The following MICU1 variants were observed in gnomAD, a reference collection of about 807,000 sequenced individuals.
MICU1 encodes the protein mitochondrial calcium uptake 1.
A neutral mutation model predicts 56.8 loss-of-function variants in MICU1; 45 were observed. The ratio of observed to expected loss-of-function variants is 0.79; its 90% CI spans 0.62 to 1.02. The LOEUF (loss-of-function observed/expected upper bound fraction) is 1.02. Ranked by LOEUF, MICU1 falls within the 50% of genes least tolerant of loss-of-function variation. The pLI is 0.00. For synonymous variants in MICU1, 186 were observed against 195.1 expected, an observed-to-expected ratio of 0.95 and a Z score of 0.39; for missense variants, 504 against 587.1, an observed-to-expected ratio of 0.86 and a Z score of 1.46.
intron 1 of MICU1, among the ~76,000 whole-genome samples, chr10:72,593,902 G>A (rs1841298300): frequency 2.0e-5 from 3 of 152,280 alleles, no homozygotes; most frequent in African/African-American, 4.8e-5. Flanking sequence ...CCCCAAGCTC[G>A]TGGATTGGAA....
chr10:72,387,785 A>G lies in MICU1; in HGVS notation c.1181-11913T>C, dbSNP rs1312634378. On this transcript the variant is annotated intron_variant, in intron 10 of 11. Transcript: ENST00000361114. Reference sequence around the variant, plus strand: ...CTTATCTGGTGCTTTTTTTTTTTTAAGGATGATTTAAAAAAAAAAACACTT... The same window carrying G: ...CTTATCTGGTGCTTTTTTTTTTTTAGGGATGATTTAAAAAAAAAAACACTT... Among the ~76,000 whole-genome samples the G allele has an allele frequency of 4.0e-5, 6 of 149,466 alleles. No individual in the cohort carries two copies. In the South Asian group the frequency reaches 1.1e-3, roughly 26 times the overall value.
chr10:72,569,501 C>T (rs890610538), intron 1 of MICU1, among the ~76,000 whole-genome samples: 15 of 151,788 alleles, frequency 9.9e-5, no homozygotes, highest in Middle Eastern at 3.4e-3. Flanking sequence ...TCCCAAAGTG[C>T]TGAGATTACA....
chr10:72,504,819 A>G (rs932990790), intron 6 of MICU1, among the ~76,000 whole-genome samples: 1 of 152,150 alleles, frequency 6.6e-6, no homozygotes, highest in Non-Finnish European at 1.5e-5. Context: ...TGGGCAAAGG[A>G]CATGGATAGA....
At chr10:72,569,221 A>ATTTT (rs1840530007) in intron 1 of MICU1, among the ~76,000 whole-genome samples, 1 of 38,504 alleles carries the variant, frequency 2.6e-5, no homozygotes. Flanking sequence ...ATATATATAT[A>ATTTT]TATATATATA....
intron 9 of MICU1, among the ~76,000 whole-genome samples, chr10:72,422,337 T>C (rs1251834107): frequency 6.6e-6 from 1 of 152,234 alleles, no homozygotes; most frequent in East Asian, 1.9e-4. Flanking sequence ...CACAGGATTC[T>C]ATCCTCCAGG....
chr10:72,401,517 G>A (rs1380393311), intron 10 of MICU1, among the ~76,000 whole-genome samples: 2 of 152,154 alleles, frequency 1.3e-5, no homozygotes, highest in African/African-American at 4.8e-5. Flanking sequence ...AGCCAGGTGT[G>A]GTGGCACGCA....
chr10:72,480,620 A>G (rs1866264013), intron 6 of MICU1, among the ~76,000 whole-genome samples: 1 of 152,258 alleles, frequency 6.6e-6, no homozygotes, highest in South Asian at 2.1e-4. Context: ...CACAATATCC[A>G]GAGGAATACA....
At chr10:72,574,890 C>T (rs1840702285) in intron 1 of MICU1, among the ~76,000 whole-genome samples, 1 of 151,982 alleles carries the variant, frequency 6.6e-6, no homozygotes, top group Non-Finnish European at 1.5e-5. Context: ...CATTACTGGG[C>T]AAGTGTTCTT....
intron 11 of MICU1, among the ~76,000 whole-genome samples, chr10:72,370,809 T>C (rs1052744480): frequency 1.4e-4 from 22 of 151,794 alleles, no homozygotes; most frequent in Non-Finnish European, 2.8e-4. Context: ...GGCGGGCAGA[T>C]TGCTTAAGGC....
intron 6 of MICU1, among the ~76,000 whole-genome samples, chr10:72,495,693 G>A (rs992355350): frequency 6.9e-6 from 1 of 145,838 alleles, no homozygotes. Context: ...ACTAGCTACC[G>A]TAATAAAGAA....
At chr10:72,586,576 C>G (rs1490964047) in intron 1 of MICU1, among the ~76,000 whole-genome samples, 1 of 151,426 alleles carries the variant, frequency 6.6e-6, no homozygotes, top group African/African-American at 2.4e-5. Flanking sequence ...CACTTGAACT[C>G]AGGAGATGGA....
intron 5 of MICU1, among the ~76,000 whole-genome samples, chr10:72,530,033 T>C (rs1311881806): frequency 6.8e-6 from 1 of 147,180 alleles, no homozygotes; most frequent in African/African-American, 2.5e-5. Context: ...CATATTACAT[T>C]AAAACAAAAG....
chr10:72,623,121 T>C (rs1487274219), intron 1 of MICU1, among the ~76,000 whole-genome samples: 2 of 151,526 alleles, frequency 1.3e-5, no homozygotes, highest in Non-Finnish European at 2.9e-5. Flanking sequence ...ATACAAAAAT[T>C]AGCCGGGCGT....
In MICU1 at chr10:72,477,204, A is replaced by G; in HGVS notation, c.705T>C (p.Asp235=). 6.5e-7 allele frequency: 1 copy of G among 1,549,316 alleles called. No individual in the cohort carries two copies. The highest frequency in any genetic ancestry group is 8.7e-7 in the Non-Finnish European group (1 of 1,146,540). Residue 235 remains aspartate, a synonymous_variant, in exon 7 of 12, where the codon GAT becomes GAC. Coordinates refer to ENST00000361114, the MANE Select transcript of MICU1 (RefSeq NM_001195518.2). ...CAAATTCTTCCATATCTACTTCTCC[A>G]TCTCCATTCAAATCAAACATCTTGA... is the stretch of plus-strand genomic sequence containing the variant. The part of the protein sequence containing the change: ...IAFKMFDLNG[D]GEVDMEEFEQ...
intron 8 of MICU1, among the ~76,000 whole-genome samples, chr10:72,463,190 A>T (rs1387800944): frequency 6.6e-6 from 1 of 151,808 alleles, no homozygotes; most frequent in Non-Finnish European, 1.5e-5. Context: ...CAGCCTCCCG[A>T]GTAGCTGGGA....
intron 1 of MICU1, among the ~76,000 whole-genome samples, chr10:72,597,773 A>G (rs1398991254): frequency 6.6e-6 from 1 of 152,146 alleles, no homozygotes; most frequent in African/African-American, 2.4e-5. Context: ...ATTGTGCACA[A>G]AAGATATATT....
chr10:72,582,435 A>T (rs917859000), intron 1 of MICU1, among the ~76,000 whole-genome samples: 1 of 152,160 alleles, frequency 6.6e-6, no homozygotes, highest in African/African-American at 2.4e-5. Context: ...AAGATAAAAC[A>T]ACTATTCAAA....
rs1863683627 is a variant in MICU1, at chr10:72,407,989, T to C, written c.1120A>G (p.Ile374Val). ...CTCAATGCAGTGTCCACATCATTAA[T>C]GTTCTTTAGGAAAGTAAAGAAGTTC... is the stretch of plus-strand genomic sequence containing the variant. ...VENFFTFLKNINDVDTALSFY... is the reference protein window; with the variant it reads ...VENFFTFLKNVNDVDTALSFY... The change falls in exon 10 of 12, where the codon ATT becomes GTT. Residue 374 changes from isoleucine to valine, a missense_variant. Coordinates refer to ENST00000361114, the MANE Select transcript of MICU1 (RefSeq NM_001195518.2). The C allele has an allele frequency of 1.9e-6, 3 of 1,613,954 alleles. No individual in the cohort carries two copies. The highest frequency in any genetic ancestry group is 2.5e-6 in the Non-Finnish European group (3 of 1,179,872).
intron 10 of MICU1, among the ~76,000 whole-genome samples, chr10:72,407,715 CT>C (rs1025766665): frequency 1.3e-5 from 2 of 152,134 alleles, no homozygotes; most frequent in Non-Finnish European, 2.9e-5. Flanking sequence ...AGATAGGCAC[CT>C]GCCCAGACTA....
Sources: gnomAD v4.1 joint callset for allele counts (sites outside exome capture counted in the v4.1 genomes callset) on GRCh38, gnomAD v4.1.1 for gene constraint, MANE v1.5 for transcripts, NCBI Gene and HGNC (gene_info 2026-07-23, HGNC 2026-07-21) for gene names.